Variants in ZEB2 observed in about 807,000 individuals in gnomAD.
ZEB2 encodes zinc finger E-box-binding homeobox 2.
In ZEB2, 6 loss-of-function variants were observed where a neutral mutation model predicts 99.9. The ratio of observed to expected loss-of-function variants is 0.06; its 90% CI spans 0.03 to 0.12. The LOEUF is 0.12. Among genes scored for constraint, ZEB2 ranks in the 10% least tolerant of loss-of-function variants. ZEB2 has a pLI of 1.00. For synonymous variants in ZEB2, 517 were observed against 542.5 expected (o/e 0.95, Z 0.65); for missense variants, 969 against 1,502.8 (o/e 0.64, Z 5.87).
At chr2:144,425,199 T>C (rs1703675578) in intron 3 of ZEB2, among the ~76,000 whole-genome samples, 1 of 152,242 alleles carries the variant, frequency 6.6e-6, no homozygotes. Context: ...ACTAAGTATT[T>C]GCACTCATGA....
At chr2:144,491,133 CT>C (rs1704673474) in intron 2 of ZEB2, among the ~76,000 whole-genome samples, 2 of 152,364 alleles carry the variant, frequency 1.3e-5, no homozygotes, top group Admixed American at 1.3e-4. Flanking sequence ...TCTGGCCCTT[CT>C]GTGGAAATGA....
chr2:144,418,914 C>G (rs1051075596), intron 4 of ZEB2, among the ~76,000 whole-genome samples: 1 of 152,052 alleles, frequency 6.6e-6, no homozygotes, highest in African/African-American at 2.4e-5. Flanking sequence ...TCAGAAATCA[C>G]TACTAAAGAG....
intron 2 of ZEB2, among the ~76,000 whole-genome samples, chr2:144,483,117 GACACACACACACAC>G (rs70985858): frequency 5.4e-5 from 7 of 130,762 alleles, no homozygotes; most frequent in African/African-American, 1.2e-4. Flanking sequence ...GTTTAGGTAA[GACACACACACACAC>G]ACACACACAC....
chr2:144,471,791 GTT>G lies in ZEB2; in HGVS notation c.74-41767_74-41766del, dbSNP rs77650375. Among the ~76,000 whole-genome samples the G allele has an allele frequency of 9.1e-3, 1,310 of 144,102 alleles. 12 individuals carry two copies. Among genetic ancestry groups the G allele is most frequent in the African/African-American group, 0.031 (1,239 of 39,664 alleles). 94.5% of individuals were successfully genotyped at this position (144,102 alleles called of 152,430 possible). ...TCAACATTCCCTTGAAATCACTTGT[GTT>G]TTTTTTTTTTAATTGATGTTATTTT... On this transcript the variant is annotated intron_variant, in intron 2 of 9. Transcript: ENST00000627532.
At chr2:144,516,043 C>T (rs1391254050) in intron 2 of ZEB2, 1 of 152,172 alleles carries the variant, frequency 6.6e-6, no homozygotes, top group Non-Finnish European at 1.5e-5. Context: ...GCCGGGTGGG[C>T]GCTGCGTCCC....
intron 2 of ZEB2, chr2:144,454,939 A>G (rs1476165085): frequency 1.3e-5 from 2 of 152,208 alleles, no homozygotes; most frequent in South Asian, 2.1e-4. Flanking sequence ...TCTGCCTTCA[A>G]TTAACCAAAA....
Position 144,473,118 on chromosome 2 carries a change from T to C in ZEB2, c.74-43092A>G, listed in dbSNP as rs188028980. ...AAAGCCTAGACTAAGACCACAACTA[T>C]GAGAATGGAAAGGAAAGGGGTGGAT... On this transcript the variant is annotated intron_variant, in intron 2 of 9. Transcript: ENST00000627532. Among the ~76,000 whole-genome samples the C allele has an allele frequency of 2.0e-5, 3 of 152,132 alleles. No individual in the cohort carries two copies. In the East Asian group the frequency reaches 5.8e-4, roughly 29 times the overall value.
intron 4 of ZEB2, among the ~76,000 whole-genome samples, chr2:144,413,715 G>A (rs1210711545): frequency 2.0e-5 from 3 of 152,078 alleles, no homozygotes; most frequent in Non-Finnish European, 4.4e-5. Flanking sequence ...TCCTTGTTAA[G>A]TATTTAGGTA....
At chr2:144,493,191 G>T (rs899920486) in intron 2 of ZEB2, among the ~76,000 whole-genome samples, 1 of 152,174 alleles carries the variant, frequency 6.6e-6, no homozygotes, top group East Asian at 1.9e-4. Flanking sequence ...TCAGGCTACG[G>T]TTATTGTTTC....
intron 9 of ZEB2, chr2:144,394,381 T>C (rs1703193752): frequency 6.6e-6 from 1 of 152,154 alleles, no homozygotes; most frequent in Non-Finnish European, 1.5e-5. Context: ...AAAATAAAAG[T>C]TGTACACTCA....
intron 4 of ZEB2, among the ~76,000 whole-genome samples, chr2:144,408,430 G>A (rs1310094079): frequency 1.3e-5 from 2 of 152,132 alleles, no homozygotes; most frequent in Non-Finnish European, 2.9e-5. Flanking sequence ...GAGTTTGATA[G>A]GGCTCAGATA....
intron 5 of ZEB2, 131 bp downstream of exon 5, chr2:144,404,705 T>C (rs1703360040): frequency 1.1e-5 from 13 of 1,231,996 alleles, no homozygotes; most frequent in African/African-American, 1.5e-5. Context: ...GTTCTAATCT[T>C]TGCTCATGAA....
rs16823718 is a variant in ZEB2, at chr2:144,440,331, T to C, written c.74-10305A>G. Among the ~76,000 whole-genome samples the C allele has an allele frequency of 8.8e-3, 1,331 of 152,088 alleles. 20 individuals are homozygous for C. Among genetic ancestry groups the C allele is most frequent in the African/African-American group, 0.03 (1,250 of 41,424 alleles). ...AATTGATCATTTTATTGAAACTGCTTTATCCTCATGTATTTGTAAACTTCT... is the reference window on the plus strand; with the variant it reads ...AATTGATCATTTTATTGAAACTGCTCTATCCTCATGTATTTGTAAACTTCT... On this transcript the variant is annotated intron_variant, in intron 2 of 9. Coordinates refer to ENST00000627532, the MANE Select transcript of ZEB2 (RefSeq NM_014795.4).
At chr2:144,424,349 G>T (rs1480932881) in intron 4 of ZEB2, 1 of 518,394 alleles carries the variant, frequency 1.9e-6, no homozygotes, top group African/African-American at 1.9e-5. Context: ...ATTATTGAGA[G>T]AAATGTTCGT....
chr2:144,398,203 G>A, intron 8 of ZEB2, 98 bp downstream of exon 8: 1 of 1,489,774 alleles, frequency 6.7e-7, no homozygotes, highest in South Asian at 1.2e-5. Context: ...TTCTGTTTCT[G>A]CTGAGTTTTT....
chr2:144,410,812 T>A (rs951008226), intron 4 of ZEB2, among the ~76,000 whole-genome samples: 38 of 151,914 alleles, frequency 2.5e-4, no homozygotes, highest in Admixed American at 2.1e-3. Flanking sequence ...TCAAAATGAA[T>A]AAATAATTCT....
chr2:144,486,085 A>G (rs1704591481), intron 2 of ZEB2, among the ~76,000 whole-genome samples: 2 of 152,226 alleles, frequency 1.3e-5, no homozygotes, highest in South Asian at 4.1e-4. Context: ...ATTTTTACCT[A>G]TGATATGAGT....
At chr2:144,446,637 T>C (rs1361929763) in intron 2 of ZEB2, among the ~76,000 whole-genome samples, 5 of 152,140 alleles carry the variant, frequency 3.3e-5, no homozygotes, top group Non-Finnish European at 2.9e-5. Context: ...TTTTTAATAG[T>C]CATTAATCAA....
intron 2 of ZEB2, among the ~76,000 whole-genome samples, chr2:144,446,872 C>T (rs1482472553): frequency 7.2e-5 from 11 of 151,762 alleles, no homozygotes; most frequent in Non-Finnish European, 1.2e-4. Context: ...AAAAATTAGC[C>T]GGGCATGGTG....
Sources: gnomAD v4.1 joint callset for allele counts (sites outside exome capture counted in the v4.1 genomes callset) on GRCh38, gnomAD v4.1.1 for gene constraint, MANE v1.5 for transcripts, NCBI Gene and HGNC (gene_info 2026-07-23, HGNC 2026-07-21) for gene names.